The following MICAL2 variants were observed in gnomAD, a reference collection of about 807,000 sequenced individuals.
MICAL2 encodes the protein microtubule associated monooxygenase, calponin and LIM domain containing 2, also known as [F-actin]-monooxygenase MICAL2.
In MICAL2, 77 loss-of-function variants were observed where a neutral mutation model predicts 127.3. The ratio of observed to expected loss-of-function variants is 0.60; its 90% CI spans 0.50 to 0.73. The LOEUF (loss-of-function observed/expected upper bound fraction) is 0.73. MICAL2 is among the 30% of genes least tolerant of loss of function. MICAL2 has a pLI of 0.00. For missense variants in MICAL2, 1,351 were observed against 1,434.4 expected (o/e 0.94, Z 0.94); for synonymous variants, 570 against 551.1 (o/e 1.03, Z -0.48).
chr11:12,306,668 A>G (rs1018725233), intron 29 of MICAL2, among the ~76,000 whole-genome samples: 4 of 152,152 alleles, frequency 2.6e-5, no homozygotes, highest in African/African-American at 9.7e-5. Context: ...TTCTGTCTCA[A>G]TAGTGTCGCC....
rs533605903 is a variant in MICAL2 at position 12,358,315 on chromosome 11, G to C, written c.5710G>C (p.Asp1904His). The C allele has an allele frequency of 2.5e-6, 4 of 1,614,016 alleles. No individual in the cohort carries two copies. In the African/African-American group the frequency reaches 5.3e-5, roughly 22 times the overall value. ...TTTAGAGAGCCAGAAAGATGAGAAG[G>C]ATCTAAACGAAGAGCAAGAAGTATT... Residue 1904 changes from aspartate to histidine, a missense_variant, in exon 35 of 35, where the codon GAT (aspartate) becomes CAT (histidine). By Grantham distance (81) the Asp-to-His change is moderately conservative. Transcript: ENST00000646065.
chr11:12,208,894 A>G (rs1049070401), intron 5 of MICAL2, among the ~76,000 whole-genome samples: 3 of 152,196 alleles, frequency 2.0e-5, no homozygotes, highest in African/African-American at 7.2e-5. Context: ...TTGAGAATTT[A>G]GGGGAGGCTT....
intron 33 of MICAL2, among the ~76,000 whole-genome samples, chr11:12,350,674 T>C (rs908488558): frequency 1.3e-5 from 2 of 152,118 alleles, no homozygotes; most frequent in African/African-American, 4.8e-5. Context: ...ACCAAGTCAA[T>C]AGAGGGAACA....
chr11:12,345,291 G>T (rs773794706), intron 32 of MICAL2, among the ~76,000 whole-genome samples: 6 of 152,170 alleles, frequency 3.9e-5, no homozygotes, highest in Non-Finnish European at 5.9e-5. Flanking sequence ...AGACATTGTG[G>T]AGCTTCAGTT....
At chr11:12,261,623 TG>T in intron 26 of MICAL2, 1 of 985,438 alleles carries the variant, frequency 1.0e-6, no homozygotes. Flanking sequence ...CTAAGAGGTG[TG>T]CCTGGGTGTG....
chr11:12,246,000 T>C (rs961434778), intron 21 of MICAL2, among the ~76,000 whole-genome samples: 3 of 152,250 alleles, frequency 2.0e-5, no homozygotes, highest in Non-Finnish European at 4.4e-5. Flanking sequence ...GACTGGGCCC[T>C]TCAGGGTAGA....
At chr11:12,176,094 A>G (rs957657671) in intron 3 of MICAL2, among the ~76,000 whole-genome samples, 12 of 152,210 alleles carry the variant, frequency 7.9e-5, no homozygotes, top group Non-Finnish European at 1.3e-4. Flanking sequence ...TCTCAGGCCT[A>G]AGGAATGTAT....
At chr11:12,295,119 C>T (rs1339665784), downstream of MICAL2, among the ~76,000 whole-genome samples, 1 of 147,542 alleles carries the variant, frequency 6.8e-6, no homozygotes, top group African/African-American at 2.5e-5. Flanking sequence ...ATATTTTTTA[C>T]TAAGTTGTAC....
intron 15 of MICAL2, among the ~76,000 whole-genome samples, chr11:12,232,712 AC>A (rs1467938824): frequency 6.6e-6 from 1 of 152,170 alleles, no homozygotes; most frequent in Non-Finnish European, 1.5e-5. Context: ...ACACAACAAG[AC>A]CCTGTCCCCA....
downstream of MICAL2, among the ~76,000 whole-genome samples, chr11:12,362,088 A>G (rs1322832572): frequency 6.6e-6 from 1 of 152,254 alleles, no homozygotes; most frequent in Non-Finnish European, 1.5e-5. Flanking sequence ...GTGCACTGCT[A>G]TAGATACTGA....
At chr11:12,195,529 G>A (rs1859782928) in intron 3 of MICAL2, among the ~76,000 whole-genome samples, 1 of 151,812 alleles carries the variant, frequency 6.6e-6, no homozygotes, top group Non-Finnish European at 1.5e-5. Context: ...GTATTATAAT[G>A]AAATGTTGCC....
intron 1 of MICAL2, among the ~76,000 whole-genome samples, chr11:12,278,358 T>G (rs559489816): frequency 7.2e-5 from 11 of 152,330 alleles, no homozygotes; most frequent in African/African-American, 2.4e-4. Context: ...ACTTCTTAAC[T>G]GACTGGCAGC....
chr11:12,192,181 G>A (rs114825828), intron 3 of MICAL2, among the ~76,000 whole-genome samples: 13,101 of 151,854 alleles, frequency 0.086, 608 homozygotes, highest in African/African-American at 0.12. Context: ...AGAAAAAAAT[G>A]TGCTAATCTG....
intron 1 of MICAL2, among the ~76,000 whole-genome samples, chr11:12,130,973 G>A (rs528263799): frequency 2.0e-5 from 3 of 152,288 alleles, no homozygotes; most frequent in South Asian, 2.1e-4. Flanking sequence ...AGCAGAGGCC[G>A]GAGGGCCTCT....
At chr11:12,204,085 G>C (rs943546353) in intron 3 of MICAL2, among the ~76,000 whole-genome samples, 165 bp from the exon 4 acceptor site, 2 of 152,202 alleles carry the variant, frequency 1.3e-5, no homozygotes, top group Admixed American at 1.3e-4. Context: ...CCACAGGTAA[G>C]GTACATTGGG....
At chr11:12,239,326 G>A in intron 16 of MICAL2, 110 bp from the exon 17 acceptor site, 1 of 1,449,208 alleles carries the variant, frequency 6.9e-7, no homozygotes, top group African/African-American at 1.4e-5. Context: ...TCAGACCATG[G>A]AGGGAGCCCT....
intron 29 of MICAL2, among the ~76,000 whole-genome samples, chr11:12,298,309 A>C (rs1000523160): frequency 2.0e-5 from 3 of 152,086 alleles, no homozygotes; most frequent in Non-Finnish European, 4.4e-5. Flanking sequence ...GTTTGTATAT[A>C]TGAAAGTTAT....
intron 3 of MICAL2, among the ~76,000 whole-genome samples, chr11:12,180,349 A>ATATATATATATATATATATATATT (rs11403732): frequency 2.9e-5 from 4 of 139,678 alleles, no homozygotes; most frequent in African/African-American, 1.1e-4. Flanking sequence ...ATATGTATAT[A>ATATATATATATATATATATATATT]TTTTTTTTTT....
At chr11:12,329,990 A>G (rs1015507078) in intron 32 of MICAL2, among the ~76,000 whole-genome samples, 25 of 151,804 alleles carry the variant, frequency 1.6e-4, no homozygotes, top group African/African-American at 5.8e-4. Context: ...CATTCCCTTT[A>G]TATCCTTGGT....
Sources: allele counts gnomAD v4.1 joint callset (sites outside exome capture counted in the v4.1 genomes callset), GRCh38; gene constraint gnomAD v4.1.1; transcripts MANE v1.5; gene names NCBI Gene and HGNC (gene_info 2026-07-23, HGNC 2026-07-21).